The following SLC2A9 variants were observed in gnomAD, a reference collection of about 807,000 sequenced individuals.
SLC2A9 encodes solute carrier family 2 member 9.
In SLC2A9, 39 loss-of-function variants were observed where a neutral mutation model predicts 50.6. That is an observed-to-expected ratio of 0.77 (90% CI 0.60 to 1.01). SLC2A9 has a LOEUF of 1.01. Among genes scored for constraint, SLC2A9 ranks in the 50% least tolerant of loss-of-function variants. SLC2A9 has a pLI of 0.00. For synonymous variants in SLC2A9, 324 were observed against 276.9 expected, an observed-to-expected ratio of 1.17 and a Z score of -1.69; for missense variants, 686 against 677.6, an observed-to-expected ratio of 1.01 and a Z score of -0.14.
intron 3 of SLC2A9, chr4:9,782,882 C>T (rs754629025): frequency 3.1e-6 from 5 of 1,613,822 alleles, no homozygotes; most frequent in African/African-American, 2.7e-5. Context: ...CACCAGCCTG[C>T]GCGCTTCCAT....
downstream of SLC2A9, among the ~76,000 whole-genome samples, chr4:9,775,044 G>T (rs1717370382): frequency 1.3e-5 from 2 of 152,154 alleles, no homozygotes; most frequent in Admixed American, 6.5e-5. Flanking sequence ...TGAGGCCAGA[G>T]AATTCAGCAT....
intron 6 of SLC2A9, among the ~76,000 whole-genome samples, chr4:9,932,332 T>C (rs888653585): frequency 2.0e-5 from 3 of 152,126 alleles, no homozygotes; most frequent in Non-Finnish European, 2.9e-5. Context: ...AGTAAGTAAA[T>C]GCCTACTGTA....
intron 11 of SLC2A9, among the ~76,000 whole-genome samples, chr4:9,829,939 G>A (rs1222482361): frequency 7.2e-5 from 11 of 152,174 alleles, no homozygotes. Flanking sequence ...TTCAATCATT[G>A]TGAAAAACAG....
intron 3 of SLC2A9, among the ~76,000 whole-genome samples, chr4:9,818,015 TTA>T (rs1035570399): frequency 1.1e-4 from 17 of 152,206 alleles, no homozygotes; most frequent in African/African-American, 4.1e-4. Context: ...GCTACATTAC[TTA>T]TAGTTTCCCA....
intron 4 of SLC2A9, 120 bp from the exon 5 acceptor site, chr4:9,980,857 G>A (rs1755626452): frequency 7.5e-7 from 1 of 1,333,620 alleles, no homozygotes; most frequent in South Asian, 1.2e-5. Context: ...TGTAGCCACG[G>A]CATTTTTCCC....
At chr4:9,878,327 T>G (rs1322485338) in intron 10 of SLC2A9, among the ~76,000 whole-genome samples, 1 of 152,062 alleles carries the variant, frequency 6.6e-6, no homozygotes, top group African/African-American at 2.4e-5. Flanking sequence ...GCGCTGGCCA[T>G]GCTTGGAGGG....
chr4:9,929,483 A>G (rs1463115970), intron 6 of SLC2A9, among the ~76,000 whole-genome samples: 1 of 152,224 alleles, frequency 6.6e-6, no homozygotes, highest in Non-Finnish European at 1.5e-5. Flanking sequence ...CTGAATGTCT[A>G]CACTGCGCTG....
At chr4:9,772,357 C>T (rs1716934206) in intron 1 of SLC2A9, among the ~76,000 whole-genome samples, 1 of 152,244 alleles carries the variant, frequency 6.6e-6, no homozygotes, top group Admixed American at 6.5e-5. Context: ...GCTCACAATC[C>T]TTCCTGGCCT....
intron 10 of SLC2A9, among the ~76,000 whole-genome samples, chr4:9,859,478 A>G (rs1380881690): frequency 6.6e-6 from 1 of 152,246 alleles, no homozygotes; most frequent in Non-Finnish European, 1.5e-5. Flanking sequence ...AAAGTCATTC[A>G]CCTAATTTGT....
At chr4:9,975,656 A>G (rs1247992087) in intron 5 of SLC2A9, among the ~76,000 whole-genome samples, 2 of 142,148 alleles carry the variant, frequency 1.4e-5, no homozygotes, top group Non-Finnish European at 2.9e-5. Context: ...TGTTGGTGGG[A>G]ATGTAAATTA....
chr4:9,849,032 G>C (rs953541832), intron 10 of SLC2A9, among the ~76,000 whole-genome samples: 2 of 152,208 alleles, frequency 1.3e-5, no homozygotes, highest in Non-Finnish European at 2.9e-5. Flanking sequence ...AGGAGATGGA[G>C]GGCTAACCAG....
At chr4:9,827,205 T>C (rs1446677179) in intron 11 of SLC2A9, among the ~76,000 whole-genome samples, 5 of 152,244 alleles carry the variant, frequency 3.3e-5, no homozygotes, top group Admixed American at 3.3e-4. Context: ...CCCTGCCAAC[T>C]GCACTAGACC....
chr4:10,005,041 T>A (rs920552636), intron 2 of SLC2A9, among the ~76,000 whole-genome samples: 1 of 152,210 alleles, frequency 6.6e-6, no homozygotes, highest in Non-Finnish European at 1.5e-5. Context: ...ACAGGTCTGC[T>A]TCCTCACTAC....
At chr4:9,798,494 C>G (rs1404312798), downstream of SLC2A9, among the ~76,000 whole-genome samples, 1 of 152,136 alleles carries the variant, frequency 6.6e-6, no homozygotes, top group Non-Finnish European at 1.5e-5. Flanking sequence ...TTTCTCCACA[C>G]CCCCAACTTC....
intron 1 of SLC2A9, among the ~76,000 whole-genome samples, chr4:10,030,271 A>C (rs879336171): frequency 1.3e-5 from 2 of 152,214 alleles, no homozygotes; most frequent in Admixed American, 6.5e-5. Context: ...GCTTGATGGA[A>C]TCATTCTATG....
chr4:9,886,265 G>A (rs559258348), intron 10 of SLC2A9, among the ~76,000 whole-genome samples: 1 of 152,356 alleles, frequency 6.6e-6, no homozygotes, highest in South Asian at 2.1e-4. Context: ...ATGTGGATGT[G>A]AGGTTGTGAT....
chr4:9,929,867 T>A (rs1361737307), intron 6 of SLC2A9, among the ~76,000 whole-genome samples: 1 of 152,036 alleles, frequency 6.6e-6, no homozygotes, highest in African/African-American at 2.4e-5. Flanking sequence ...GAGACCAGGG[T>A]GTCCGCAGAG....
intron 5 of SLC2A9, among the ~76,000 whole-genome samples, chr4:9,958,478 C>A (rs989819317): frequency 2.0e-5 from 3 of 152,116 alleles, no homozygotes; most frequent in African/African-American, 7.2e-5. Flanking sequence ...GAACATCACA[C>A]AATGGGGCCT....
intron 1 of SLC2A9, 183 bp from the exon 2 acceptor site, chr4:10,019,256 T>C: frequency 1.7e-6 from 1 of 605,196 alleles, no homozygotes; most frequent in South Asian, 2.0e-5. Context: ...CCAGTCCAGG[T>C]CCGCGTGCGC....
Sources: gnomAD v4.1 joint callset for allele counts (sites outside exome capture counted in the v4.1 genomes callset) on GRCh38, gnomAD v4.1.1 for gene constraint, MANE v1.5 for transcripts, NCBI Gene and HGNC (gene_info 2026-07-23, HGNC 2026-07-21) for gene names.